The following SLC9A9 variants were observed in gnomAD, a reference collection of about 807,000 sequenced individuals.
SLC9A9 encodes solute carrier family 9 member A9, also known as sodium/hydrogen exchanger 9.
SLC9A9 carries 62 observed loss-of-function variants against 77.8 expected under a neutral mutation model. The ratio of observed to expected loss-of-function variants is 0.80; its 90% CI spans 0.65 to 0.98. SLC9A9 has a LOEUF of 0.98. SLC9A9 is among the 50% of genes least tolerant of loss of function. The probability of loss-of-function intolerance (pLI) is 0.00; values close to 1 mark genes in which losing one functional copy is unlikely to be tolerated. For missense variants in SLC9A9, 775 were observed against 774.9 expected (o/e 1.00, Z 0.00); for synonymous variants, 320 against 283.5 (o/e 1.13, Z -1.29).
chr3:143,635,282 A>G (rs2038500658), intron 6 of SLC9A9, among the ~76,000 whole-genome samples: 2 of 152,168 alleles, frequency 1.3e-5, no homozygotes, highest in Non-Finnish European at 2.9e-5. Flanking sequence ...AAGTTCTCTA[A>G]GCGAGAGGAG....
At chr3:143,340,318 G>T (rs1015052500) in intron 14 of SLC9A9, among the ~76,000 whole-genome samples, 1 of 152,150 alleles carries the variant, frequency 6.6e-6, no homozygotes, top group African/African-American at 2.4e-5. Context: ...CCTGAAATAA[G>T]GCAAGTCTCT....
At chr3:143,425,016 A>G (rs566699278) in intron 12 of SLC9A9, among the ~76,000 whole-genome samples, 2 of 152,322 alleles carry the variant, frequency 1.3e-5, no homozygotes, top group Admixed American at 1.3e-4. Context: ...GAGGGAGGCA[A>G]AATATGATTC....
chr3:143,351,003 T>C lies in SLC9A9; in HGVS notation c.1604+12481A>G, dbSNP rs149252530. Reference sequence around the variant, plus strand: ...CCTTTGTGTTCTCACAGCTCCCTGCTCAACTTGCTGGGTACTTAAAGCAAT... The same window carrying C: ...CCTTTGTGTTCTCACAGCTCCCTGCCCAACTTGCTGGGTACTTAAAGCAAT... On this transcript the variant is annotated intron_variant, in intron 14 of 15. Transcript: ENST00000316549. Among the ~76,000 whole-genome samples the C allele has an allele frequency of 1.6e-3, 250 of 152,354 alleles. 2 individuals carry two copies. The highest frequency in any genetic ancestry group is 5.5e-3 in the African/African-American group (228 of 41,590).
At chr3:143,533,063 A>G (rs2036538778) in intron 9 of SLC9A9, among the ~76,000 whole-genome samples, 1 of 152,214 alleles carries the variant, frequency 6.6e-6, no homozygotes, top group African/African-American at 2.4e-5. Flanking sequence ...GGTTTTCACT[A>G]ACTGCCCATG....
chr3:143,470,809 G>A (rs2035364732), intron 11 of SLC9A9, among the ~76,000 whole-genome samples: 1 of 152,108 alleles, frequency 6.6e-6, no homozygotes, highest in Non-Finnish European at 1.5e-5. Context: ...ATAATGTATT[G>A]TTATTATGTT....
chr3:143,400,624 TCAC>T (rs1366396224), intron 12 of SLC9A9, among the ~76,000 whole-genome samples: 1 of 147,594 alleles, frequency 6.8e-6, no homozygotes, highest in African/African-American at 2.5e-5. Flanking sequence ...ATCTCACAAA[TCAC>T]CACAAAAGAA....
chr3:143,344,267 CTCA>C (rs1375332210), intron 14 of SLC9A9, among the ~76,000 whole-genome samples: 50 of 152,278 alleles, frequency 3.3e-4, no homozygotes, highest in African/African-American at 1.2e-3. Flanking sequence ...CTCTTATTTT[CTCA>C]AACAATTCAA....
intron 4 of SLC9A9, among the ~76,000 whole-genome samples, chr3:143,730,587 T>C (rs907566602): frequency 2.0e-5 from 3 of 152,236 alleles, no homozygotes; most frequent in African/African-American, 7.2e-5. Flanking sequence ...TCTCACTCTT[T>C]GTTGCCAAGA....
At chr3:143,832,368 G>A in intron 1 of SLC9A9, 147 bp from the exon 2 acceptor site, 1 of 680,846 alleles carries the variant, frequency 1.5e-6, no homozygotes, top group South Asian at 1.8e-5. Context: ...CTTTTGCATG[G>A]ATACCAGTTC....
rs150121627 is a variant in SLC9A9, at chr3:143,769,936, C to T, written c.533+25065G>A. ...GTTACTTTTTCTCTTATTCAAGAGA[C>T]GTGTATCTGAATGCAATAAGTATGA... is the stretch of plus-strand genomic sequence containing the variant. On this transcript the variant is annotated intron_variant, in intron 4 of 15. Transcript: ENST00000316549. 3.3e-3 allele frequency among the ~76,000 whole-genome samples: 501 copies of T among 152,222 alleles called. 1 individual carries two copies. The highest frequency in any genetic ancestry group is 0.014 in the Middle Eastern group (4 of 294).
chr3:143,621,984 C>A (rs2038223224), intron 6 of SLC9A9, among the ~76,000 whole-genome samples: 1 of 151,994 alleles, frequency 6.6e-6, no homozygotes, highest in African/African-American at 2.4e-5. Context: ...GCCTCAGTAG[C>A]CAATTCAATC....
intron 14 of SLC9A9, among the ~76,000 whole-genome samples, chr3:143,341,163 G>A (rs2032085972): frequency 6.6e-6 from 1 of 152,090 alleles, no homozygotes; most frequent in Non-Finnish European, 1.5e-5. Context: ...GCATTAATTT[G>A]GTGTGATCGG....
intron 6 of SLC9A9, among the ~76,000 whole-genome samples, 198 bp from the exon 7 acceptor site, chr3:143,578,921 G>A (rs1395930798): frequency 1.3e-5 from 2 of 152,132 alleles, no homozygotes; most frequent in African/African-American, 4.8e-5. Context: ...CCATCCCATG[G>A]GATCTATATA....
At chr3:143,530,128 G>C (rs2036478605) in intron 9 of SLC9A9, among the ~76,000 whole-genome samples, 1 of 152,224 alleles carries the variant, frequency 6.6e-6, no homozygotes, top group Non-Finnish European at 1.5e-5. Context: ...TTAGAGGGCT[G>C]TGGCTAACAA....
intron 6 of SLC9A9, among the ~76,000 whole-genome samples, chr3:143,615,884 C>CT (rs71140444): frequency 0.25 from 35,547 of 141,378 alleles, 5,010 homozygotes; most frequent in Non-Finnish European, 0.33. Flanking sequence ...CTTTAAATTT[C>CT]TTTTTTTTTT....
intron 6 of SLC9A9, among the ~76,000 whole-genome samples, chr3:143,627,845 C>T (rs2038358403): frequency 6.6e-6 from 1 of 152,190 alleles, no homozygotes; most frequent in Non-Finnish European, 1.5e-5. Flanking sequence ...AAAATTTCAT[C>T]TGTGAATGAG....
chr3:143,696,068 C>T (rs553253078), intron 4 of SLC9A9, among the ~76,000 whole-genome samples: 31 of 151,910 alleles, frequency 2.0e-4, no homozygotes, highest in Admixed American at 7.2e-4. Flanking sequence ...ATGGATAGAT[C>T]GCAAAAATTT....
intron 14 of SLC9A9, among the ~76,000 whole-genome samples, chr3:143,300,183 G>C (rs575354922): frequency 6.6e-6 from 1 of 152,278 alleles, no homozygotes; most frequent in South Asian, 2.1e-4. Flanking sequence ...TGCCTCTCCA[G>C]GTGGTATTTT....
chr3:143,640,778 G>C (rs1308003095), intron 6 of SLC9A9, among the ~76,000 whole-genome samples: 1 of 152,132 alleles, frequency 6.6e-6, no homozygotes, highest in African/African-American at 2.4e-5. Flanking sequence ...CTTGAACCTG[G>C]GAGGTGTAGG....
Sources: gnomAD v4.1 joint callset for allele counts (sites outside exome capture counted in the v4.1 genomes callset) on GRCh38, gnomAD v4.1.1 for gene constraint, MANE v1.5 for transcripts, NCBI Gene and HGNC (gene_info 2026-07-23, HGNC 2026-07-21) for gene names.